PPFIBP1: variants seen among roughly 807,000 people sequenced by gnomAD.
The protein encoded by PPFIBP1 is liprin-beta-1.
PPFIBP1 carries 112 observed loss-of-function variants against 137.8 expected under a neutral mutation model. The observed-to-expected ratio is 0.81, with a 90% CI of 0.70 to 0.95. The LOEUF (loss-of-function observed/expected upper bound fraction) is 0.95, where lower values mean the gene tolerates loss of function less well. PPFIBP1 is among the 40% of genes least tolerant of loss of function. The pLI, the probability that PPFIBP1 is intolerant of heterozygous loss-of-function variation, is 0.00. For synonymous variants in PPFIBP1, 378 were observed against 417.3 expected, an observed-to-expected ratio of 0.91 and a Z score of 1.15; for missense variants, 1,083 against 1,196.6, an observed-to-expected ratio of 0.91 and a Z score of 1.40.
At position 27,623,460 on chromosome 12, in the gene PPFIBP1, G is replaced by A. The variant is rs140971514; in HGVS notation, c.-35-9902G>A. On this transcript the variant is annotated intron_variant, in intron 2 of 29. Coordinates refer to ENST00000228425, the MANE Select transcript of PPFIBP1 (RefSeq NM_003622.4). Reference sequence around the variant, plus strand: ...CACATCTGTAACCCCAGCACTTTGGGAAGCCAAGGGGGAAAGGATTGCTTG... The same window carrying A: ...CACATCTGTAACCCCAGCACTTTGGAAAGCCAAGGGGGAAAGGATTGCTTG... Among the ~76,000 whole-genome samples the A allele has an allele frequency of 5.3e-3, 811 of 152,242 alleles. 6 individuals carry two copies. The highest frequency in any genetic ancestry group is 0.013 in the East Asian group (66 of 5,174).
intron 2 of PPFIBP1, among the ~76,000 whole-genome samples, chr12:27,608,305 T>C (rs557069763): frequency 1.3e-5 from 2 of 152,324 alleles, no homozygotes; most frequent in African/African-American, 4.8e-5. Context: ...AAGAGTAGTA[T>C]TTTTTAGGAA....
chr12:27,638,636 A>G (rs747351300), intron 4 of PPFIBP1, among the ~76,000 whole-genome samples: 1 of 152,200 alleles, frequency 6.6e-6, no homozygotes, highest in African/African-American at 2.4e-5. Flanking sequence ...AGAGCAGAGC[A>G]TAGAGAGTAG....
chr12:27,613,088 A>C (rs1349011388), intron 2 of PPFIBP1, among the ~76,000 whole-genome samples: 1 of 152,204 alleles, frequency 6.6e-6, no homozygotes, highest in African/African-American at 2.4e-5. Context: ...GTGGTTTGAG[A>C]GCATCTCTTA....
At chr12:27,601,546 A>G (rs1272045989) in intron 2 of PPFIBP1, among the ~76,000 whole-genome samples, 1 of 152,202 alleles carries the variant, frequency 6.6e-6, no homozygotes, top group Non-Finnish European at 1.5e-5. Context: ...ATGGTTGATA[A>G]TTTAATTTTA....
chr12:27,590,122 T>G (rs2052313629), intron 2 of PPFIBP1, among the ~76,000 whole-genome samples: 1 of 152,212 alleles, frequency 6.6e-6, no homozygotes, highest in Non-Finnish European at 1.5e-5. Context: ...TTTAAAGAAT[T>G]ACATAGAGTC....
At chr12:27,543,725 G>C (rs1469532295) in intron 1 of PPFIBP1, among the ~76,000 whole-genome samples, 1 of 152,066 alleles carries the variant, frequency 6.6e-6, no homozygotes, top group Non-Finnish European at 1.5e-5. Context: ...GGATCAAATT[G>C]AGCATACCGT....
Position 27,676,564 on chromosome 12 carries a change from AAAGTAAC to A in PPFIBP1, c.1551_1557del (p.Ser517ArgfsTer9). On this transcript the variant is annotated frameshift_variant, in exon 18 of 30. Transcript: ENST00000228425. LOFTEE classifies it high-confidence loss of function. ...TTTGGCCGGGGCTTTTTTAAAATCA[AAAGTAAC>A]AAGAGAACAGCAAGTGCACCAAACT... is the stretch of plus-strand genomic sequence containing the variant. 1 of 1,603,188 alleles carries A rather than the reference AAAGTAAC, an allele frequency of 6.2e-7. No individual in the cohort carries two copies. Among genetic ancestry groups the A allele is most frequent in the South Asian group, 1.1e-5 (1 of 89,600 alleles).
intron 1 of PPFIBP1, among the ~76,000 whole-genome samples, chr12:27,550,936 G>A (rs1946701115): frequency 6.6e-6 from 1 of 150,632 alleles, no homozygotes; most frequent in South Asian, 2.1e-4. Flanking sequence ...TTACTCTGTG[G>A]CAGTGCTTTC....
At chr12:27,619,969 T>C (rs1592907926) in intron 2 of PPFIBP1, among the ~76,000 whole-genome samples, 4 of 151,838 alleles carry the variant, frequency 2.6e-5, no homozygotes, top group Admixed American at 2.0e-4. Context: ...TTTATATATA[T>C]ATTTACATAT....
chr12:27,625,988 A>T (rs548992958), intron 2 of PPFIBP1, among the ~76,000 whole-genome samples: 269 of 152,114 alleles, frequency 1.8e-3, no homozygotes, highest in Admixed American at 3.3e-3. Flanking sequence ...CCCATTTTTT[A>T]AAAAAAGTAT....
At chr12:27,639,939 C>T (rs973060146) in intron 4 of PPFIBP1, among the ~76,000 whole-genome samples, 1 of 152,194 alleles carries the variant, frequency 6.6e-6, no homozygotes, top group Middle Eastern at 3.2e-3. Context: ...CTGCTGCTTT[C>T]TGACCAGCTT....
chr12:27,548,419 A>G (rs1205735053), intron 1 of PPFIBP1: 1 of 152,176 alleles, frequency 6.6e-6, no homozygotes, highest in African/African-American at 2.4e-5. Context: ...GAGGATAATG[A>G]TTTAGGAGTT....
rs1238159830 is a variant in PPFIBP1 at position 27,679,913 on chromosome 12, A to C, written c.1767-20A>C. On this transcript the variant is annotated intron_variant, in intron 20 of 29. Transcript: ENST00000228425. ...GGCCTCCTCAGGTCTAATACTGGCC[A>C]TGTGTGTTGTCTTCTTTAGACTTAG... 1 of 1,613,978 alleles carries C rather than the reference A, an allele frequency of 6.2e-7. No individual in the cohort carries two copies. The highest frequency in any genetic ancestry group is 1.7e-5 in the Admixed American group (1 of 60,008).
chr12:27,664,113 G>C (rs1397411419), intron 11 of PPFIBP1, among the ~76,000 whole-genome samples: 1 of 152,092 alleles, frequency 6.6e-6, no homozygotes, highest in African/African-American at 2.4e-5. Flanking sequence ...TAAATTTAGA[G>C]GTACTTTGCC....
intron 1 of PPFIBP1, among the ~76,000 whole-genome samples, chr12:27,544,513 A>C (rs306661): frequency 0.42 from 63,342 of 151,984 alleles, 13,704 homozygotes; most frequent in Middle Eastern, 0.5. Context: ...ACTAATATCT[A>C]GAATCTACAA....
intron 2 of PPFIBP1, among the ~76,000 whole-genome samples, chr12:27,600,572 A>G (rs1246221265): frequency 6.6e-6 from 1 of 151,980 alleles, no homozygotes; most frequent in South Asian, 2.1e-4. Flanking sequence ...AAAAAAAAAC[A>G]TAGATAAAAC....
At chr12:27,551,440 A>G (rs1946766804) in intron 1 of PPFIBP1, among the ~76,000 whole-genome samples, 2 of 152,372 alleles carry the variant, frequency 1.3e-5, no homozygotes, top group Admixed American at 1.3e-4. Context: ...TATAGTTTAC[A>G]TCCTTTCCAC....
intron 2 of PPFIBP1, among the ~76,000 whole-genome samples, chr12:27,605,746 T>C (rs1026217276): frequency 1.3e-5 from 2 of 152,206 alleles, no homozygotes; most frequent in Non-Finnish European, 2.9e-5. Flanking sequence ...CTGTATACAT[T>C]TGTCAAAGCC....
At position 27,590,620 on chromosome 12, in the gene PPFIBP1, A is replaced by G. The variant is rs75843437; in HGVS notation, c.-36+12381A>G. Among the ~76,000 whole-genome samples, 162 of 152,320 alleles carry G rather than the reference A, an allele frequency of 1.1e-3. 2 individuals carry two copies. The East Asian group carries it at 0.028, about 26-fold the overall frequency. On this transcript the variant is annotated intron_variant, in intron 2 of 29. Transcript: ENST00000228425. Reference sequence around the variant, plus strand: ...GGTGGCAGAGCAGGGACTAGGGGACAGCTAAAGGAGGGTCATGATCCCTTT... The same window carrying G: ...GGTGGCAGAGCAGGGACTAGGGGACGGCTAAAGGAGGGTCATGATCCCTTT...
Sources: allele counts gnomAD v4.1 joint callset (sites outside exome capture counted in the v4.1 genomes callset), GRCh38; gene constraint gnomAD v4.1.1; transcripts MANE v1.5; gene names NCBI Gene and HGNC (gene_info 2026-07-23, HGNC 2026-07-21).